SNX29: variants seen among roughly 807,000 people sequenced by gnomAD.
SNX29 encodes sorting nexin 29.
In SNX29, 78 loss-of-function variants were observed where a neutral mutation model predicts 102.1. The ratio of observed to expected loss-of-function variants is 0.76; its 90% CI spans 0.64 to 0.92. The LOEUF is 0.92. Among genes scored for constraint, SNX29 ranks in the 40% least tolerant of loss-of-function variants. SNX29 has a pLI of 0.00. For missense variants in SNX29, 1,280 were observed against 1,061.7 expected (o/e 1.21, Z -2.86); for synonymous variants, 580 against 414.5 (o/e 1.40, Z -4.85).
intron 1 of SNX29, among the ~76,000 whole-genome samples, chr16:11,992,442 G>C (rs1285138388): frequency 1.3e-5 from 2 of 152,028 alleles, no homozygotes; most frequent in Non-Finnish European, 2.9e-5. Flanking sequence ...TCACCCAAAG[G>C]AAACTCCATA....
intron 13 of SNX29, among the ~76,000 whole-genome samples, chr16:12,198,118 G>T (rs1426906870): frequency 6.6e-6 from 1 of 152,122 alleles, no homozygotes; most frequent in East Asian, 1.9e-4. Context: ...ATACTATCCT[G>T]TCATAGAGAC....
At chr16:12,317,222 G>A (rs1401014387) in intron 15 of SNX29, among the ~76,000 whole-genome samples, 1 of 152,228 alleles carries the variant, frequency 6.6e-6, no homozygotes, top group South Asian at 2.1e-4. Flanking sequence ...GCATGGGCCT[G>A]TGAAGGCTTG....
chr16:12,464,009 C>G (rs1229237985), intron 18 of SNX29, among the ~76,000 whole-genome samples: 1 of 152,090 alleles, frequency 6.6e-6, no homozygotes, highest in Non-Finnish European at 1.5e-5. Context: ...TCACCTATCT[C>G]CCCTATCCAT....
rs117950078 is a variant in SNX29, at chr16:12,541,071, G to C, written c.2318+16230G>C. ...CTGCTATTTAGTTTCCTGAGTTATT[G>C]ACTAGCTGCCTCATGCATCCACTCC... On this transcript the variant is annotated intron_variant, in intron 20 of 20. Coordinates refer to ENST00000566228, the MANE Select transcript of SNX29 (RefSeq NM_032167.5). Among the ~76,000 whole-genome samples, 185 of 152,264 alleles carry C rather than the reference G, an allele frequency of 1.2e-3. 6 individuals carry two copies. The East Asian group carries it at 0.035, about 28-fold the overall frequency.
At chr16:12,181,935 G>C (rs1283777956) in intron 13 of SNX29, among the ~76,000 whole-genome samples, 1 of 151,394 alleles carries the variant, frequency 6.6e-6, no homozygotes, top group African/African-American at 2.4e-5. Flanking sequence ...GCAGGCTGAA[G>C]TGCAGTGGCA....
intron 8 of SNX29, among the ~76,000 whole-genome samples, chr16:12,055,525 C>T (rs541950912): frequency 6.6e-6 from 1 of 152,118 alleles, no homozygotes; most frequent in East Asian, 1.9e-4. Flanking sequence ...GCCACCACGC[C>T]TGGTCTTATC....
At chr16:12,548,810 T>C (rs539451850) in intron 20 of SNX29, among the ~76,000 whole-genome samples, 1 of 152,340 alleles carries the variant, frequency 6.6e-6, no homozygotes, top group Admixed American at 6.5e-5. Flanking sequence ...GGCTGTTGTT[T>C]TCCTATGGCA....
At chr16:12,467,286 C>T (rs2087099248) in intron 18 of SNX29, among the ~76,000 whole-genome samples, 1 of 152,204 alleles carries the variant, frequency 6.6e-6, no homozygotes, top group Non-Finnish European at 1.5e-5. Flanking sequence ...TGTGTTCTCT[C>T]TCCAGTAATC....
At chr16:12,497,529 G>A (rs944970605) in intron 19 of SNX29, among the ~76,000 whole-genome samples, 2 of 152,198 alleles carry the variant, frequency 1.3e-5, no homozygotes, top group African/African-American at 2.4e-5. Context: ...CTTGTGTAAC[G>A]AGAGGCTTAG....
chr16:12,126,246 C>G (rs2054209209), intron 11 of SNX29, among the ~76,000 whole-genome samples: 1 of 152,186 alleles, frequency 6.6e-6, no homozygotes, highest in African/African-American at 2.4e-5. Context: ...ATCAGTAGTA[C>G]TTGCTAAATG....
chr16:12,410,917 A>T (rs3851015), intron 18 of SNX29, among the ~76,000 whole-genome samples: 71,058 of 151,930 alleles, frequency 0.47, 18,199 homozygotes, highest in Non-Finnish European at 0.58. Context: ...CTTCCTTTTC[A>T]TCCTCTCTTA....
In SNX29 at chr16:12,571,914, G is replaced by T; in HGVS notation, c.*3285G>T. 9.4e-7 allele frequency: 1 copy of T among 1,061,626 alleles called. No individual in the cohort carries two copies. The highest frequency in any genetic ancestry group is 4.6e-5 in the South Asian group (1 of 21,956). 65.8% of individuals were successfully genotyped at this position (1,061,626 alleles called of 1,614,324 possible). On this transcript the variant is annotated 3_prime_UTR_variant, in exon 21 of 21. Coordinates refer to ENST00000566228, the MANE Select transcript of SNX29 (RefSeq NM_032167.5). Reference sequence around the variant, plus strand: ...CAAAGCCCCCTGCATTTCTCTACTGGCAGGCCCTGGTGAAGGAAGACACTT... The same window carrying T: ...CAAAGCCCCCTGCATTTCTCTACTGTCAGGCCCTGGTGAAGGAAGACACTT...
intron 13 of SNX29, among the ~76,000 whole-genome samples, chr16:12,136,732 T>TTG (rs1555468598): frequency 5.3e-5 from 8 of 151,334 alleles, no homozygotes; most frequent in Non-Finnish European, 1.2e-4. Context: ...AGGAAAGGTT[T>TTG]TTGTTGTTAT....
At chr16:12,023,829 A>T (rs903268694) in intron 3 of SNX29, among the ~76,000 whole-genome samples, 2 of 152,092 alleles carry the variant, frequency 1.3e-5, no homozygotes, top group African/African-American at 2.4e-5. Context: ...GCTCTACTTG[A>T]TTCACTAGTT....
At chr16:12,012,468 G>C (rs2056686539) in intron 3 of SNX29, among the ~76,000 whole-genome samples, 1 of 152,102 alleles carries the variant, frequency 6.6e-6, no homozygotes, top group South Asian at 2.1e-4. Context: ...GAGTACAGTG[G>C]TGCAGTCTTG....
chr16:11,983,795 A>C, intron 1 of SNX29: 1 of 747,790 alleles, frequency 1.3e-6, no homozygotes, highest in Non-Finnish European at 1.6e-6. Context: ...AAATTGTGGC[A>C]ATGTGAGCAT....
intron 13 of SNX29, among the ~76,000 whole-genome samples, chr16:12,179,410 A>G (rs1161780784): frequency 6.6e-6 from 1 of 152,244 alleles, no homozygotes; most frequent in African/African-American, 2.4e-5. Context: ...GCCTGAGCCC[A>G]GGAGTTGGAG....
intron 11 of SNX29, among the ~76,000 whole-genome samples, chr16:12,091,014 CAAAAAAAAAA>C (rs58933500): frequency 2.1e-4 from 11 of 53,444 alleles, no homozygotes; most frequent in Admixed American, 4.8e-4. Context: ...GACTTCATCT[CAAAAAAAAAA>C]AAAAAAAAAA....
intron 20 of SNX29, among the ~76,000 whole-genome samples, chr16:12,555,691 G>A (rs7197122): frequency 0.11 from 16,930 of 152,040 alleles, 1,139 homozygotes; most frequent in Non-Finnish European, 0.14. Context: ...TAAGCCTTCC[G>A]ATACTCTACG....
Sources: gnomAD v4.1 joint callset for allele counts (sites outside exome capture counted in the v4.1 genomes callset) on GRCh38, gnomAD v4.1.1 for gene constraint, MANE v1.5 for transcripts, NCBI Gene and HGNC (gene_info 2026-07-23, HGNC 2026-07-21) for gene names.